The following MTHFS variants were observed in gnomAD, a reference collection of about 807,000 sequenced individuals.
MTHFS encodes methenyltetrahydrofolate synthetase, also known as 5-formyltetrahydrofolate cyclo-ligase.
A neutral mutation model predicts 12.7 loss-of-function variants in MTHFS; 7 were observed. The ratio of observed to expected loss-of-function variants is 0.55; its 90% confidence interval spans 0.31 to 1.03. The LOEUF is 1.03. Ranked by LOEUF, MTHFS falls within the 50% of genes least tolerant of loss-of-function variation. The pLI is 0.05. For missense variants in MTHFS, 252 were observed against 258.1 expected (o/e 0.98, Z 0.16); for synonymous variants, 100 against 97.1 (o/e 1.03, Z -0.18).
chr15:79,857,902 G>C (rs2033838964), intron 2 of MTHFS, among the ~76,000 whole-genome samples: 1 of 150,874 alleles, frequency 6.6e-6, no homozygotes, highest in Non-Finnish European at 1.5e-5. Context: ...TGTAATCCCA[G>C]TTACTCAAGA....
chr15:79,860,041 A>G (rs575275951), intron 2 of MTHFS, among the ~76,000 whole-genome samples: 1 of 152,304 alleles, frequency 6.6e-6, no homozygotes, highest in South Asian at 2.1e-4. Context: ...TAACATTTTA[A>G]AACATCTGTA....
chr15:79,845,101 G>A lies in MTHFS; in HGVS notation c.*109C>T. 1 of 1,379,694 alleles carries A rather than the reference G, an allele frequency of 7.2e-7. No homozygotes were observed. The highest frequency in any genetic ancestry group is 1.4e-5 in the South Asian group (1 of 71,582). 85.5% of individuals were successfully genotyped at this position (1,379,694 alleles called of 1,614,324 possible). A position where few individuals can be genotyped will look rare whatever the true frequency, so the allele number is the denominator to read the frequency against. On this transcript the variant is annotated 3_prime_UTR_variant, in exon 3 of 3. Coordinates refer to ENST00000258874, the MANE Select transcript of MTHFS (RefSeq NM_006441.4). ...TAATTACAATTTTAAAATGCAGTCTGTATTCACATTAATGAACAATTTCAA... is the reference window on the plus strand; with the variant it reads ...TAATTACAATTTTAAAATGCAGTCTATATTCACATTAATGAACAATTTCAA...
At chr15:79,861,317 C>G (rs1016586560) in intron 2 of MTHFS, among the ~76,000 whole-genome samples, 2 of 152,140 alleles carry the variant, frequency 1.3e-5, no homozygotes, top group African/African-American at 4.8e-5. Context: ...CTCCATACAC[C>G]TGTCTTCCCC....
intron 2 of MTHFS, among the ~76,000 whole-genome samples, chr15:79,878,681 T>C (rs1414591054): frequency 6.6e-6 from 1 of 151,448 alleles, no homozygotes; most frequent in Non-Finnish European, 1.5e-5. Flanking sequence ...ACTCATACTG[T>C]AAAACAAAGA....
In MTHFS at chr15:79,845,149, T is replaced by C. The variant is rs994954733; in HGVS notation, c.*61A>G. ...CAACTAATTTTTGACAAGGGAAAAATACACATACTTTGCTTTACTCTCATA... is the reference window on the plus strand; with the variant it reads ...CAACTAATTTTTGACAAGGGAAAAACACACATACTTTGCTTTACTCTCATA... On this transcript the variant is annotated 3_prime_UTR_variant, in exon 3 of 3. Coordinates refer to ENST00000258874, the MANE Select transcript of MTHFS (RefSeq NM_006441.4). 74 of 1,584,186 alleles carry C rather than the reference T, an allele frequency of 4.7e-5. No homozygotes were observed. The highest frequency in any genetic ancestry group is 4.3e-4 in the East Asian group (19 of 44,496).
chr15:79,861,279 TC>T (rs1364774270), intron 2 of MTHFS, among the ~76,000 whole-genome samples: 1 of 152,102 alleles, frequency 6.6e-6, no homozygotes, highest in Non-Finnish European at 1.5e-5. Flanking sequence ...AAAACCTTGA[TC>T]CTAACCACTC....
chr15:79,885,100 AC>A (rs541293133), intron 2 of MTHFS, among the ~76,000 whole-genome samples: 5 of 152,156 alleles, frequency 3.3e-5, no homozygotes, highest in Non-Finnish European at 7.4e-5. Flanking sequence ...ACGCCATGCA[AC>A]CCTAACAAAG....
chr15:79,890,599 T>G (rs1258478368), intron 1 of MTHFS, among the ~76,000 whole-genome samples: 1 of 152,224 alleles, frequency 6.6e-6, no homozygotes, highest in African/African-American at 2.4e-5. Flanking sequence ...AATACTTTTC[T>G]TATTCTTTAT....
At chr15:79,879,554 AT>A (rs2034261965) in intron 2 of MTHFS, among the ~76,000 whole-genome samples, 1 of 151,904 alleles carries the variant, frequency 6.6e-6, no homozygotes, top group Admixed American at 6.6e-5. Flanking sequence ...TTGTGATTGT[AT>A]TTGTTATAAA....
intron 2 of MTHFS, among the ~76,000 whole-genome samples, chr15:79,850,313 A>G (rs1464887500): frequency 2.0e-5 from 3 of 152,202 alleles, no homozygotes; most frequent in Non-Finnish European, 4.4e-5. Context: ...TTCTCTCAGC[A>G]AAGGGGTTCA....
chr15:79,874,694 C>G (rs1215612485), intron 2 of MTHFS, among the ~76,000 whole-genome samples: 1 of 152,102 alleles, frequency 6.6e-6, no homozygotes, highest in Admixed American at 6.6e-5. Flanking sequence ...AAGAAGATGT[C>G]CTGAGGAGCC....
intron 2 of MTHFS, among the ~76,000 whole-genome samples, chr15:79,856,998 T>C (rs888789997): frequency 2.9e-5 from 4 of 139,416 alleles, no homozygotes; most frequent in Non-Finnish European, 6.3e-5. Flanking sequence ...GCAAAGTCAC[T>C]TTTTTTTTTT....
chr15:79,897,097 G>C (rs1392720812), upstream of MTHFS: 1 of 1,130,916 alleles, frequency 8.8e-7, no homozygotes, highest in Non-Finnish European at 1.2e-6. Context: ...GGGCGGGTCG[G>C]GGCTCGGGGA....
At chr15:79,853,719 G>A (rs984739449) in intron 2 of MTHFS, among the ~76,000 whole-genome samples, 2 of 152,174 alleles carry the variant, frequency 1.3e-5, no homozygotes, top group Non-Finnish European at 2.9e-5. Flanking sequence ...CATGCAGAGC[G>A]GTCCGTAAGA....
chr15:79,866,046 G>GT (rs34470808), intron 2 of MTHFS, among the ~76,000 whole-genome samples: 7,687 of 146,232 alleles, frequency 0.053, 243 homozygotes, highest in Middle Eastern at 0.09. Context: ...AATTTTATAA[G>GT]TTTTTTTTTT....
intron 2 of MTHFS, among the ~76,000 whole-genome samples, chr15:79,851,624 A>T (rs2033718020): frequency 6.6e-6 from 1 of 152,160 alleles, no homozygotes; most frequent in Non-Finnish European, 1.5e-5. Flanking sequence ...ACATCTACCT[A>T]GGGAGGCAGG....
chr15:79,892,276 C>A (rs929807034), intron 1 of MTHFS, among the ~76,000 whole-genome samples: 1 of 152,098 alleles, frequency 6.6e-6, no homozygotes, highest in African/African-American at 2.4e-5. Context: ...AACCCCAGGG[C>A]AATGGCAGTG....
At position 79,845,446 on chromosome 15, in the gene MTHFS, C is replaced by A. The variant is rs375031666; in HGVS notation, c.380-4G>T. ...ATGAAGATGAGATCAAGTCCCCCTG[C>A]GGAAAAGAGGAACAAATTTAAGAGG... On this transcript the variant is annotated splice_polypyrimidine_tract_variant and splice_region_variant and intron_variant, in intron 2 of 2. Coordinates refer to ENST00000258874, the MANE Select transcript of MTHFS (RefSeq NM_006441.4). 3.1e-6 allele frequency: 5 copies of A among 1,609,696 alleles called. No individual in the cohort carries two copies. Among genetic ancestry groups the A allele is most frequent in the Non-Finnish European group, 4.2e-6 (5 of 1,176,962 alleles).
At chr15:79,890,077 G>A (rs1043418141) in intron 1 of MTHFS, among the ~76,000 whole-genome samples, 3 of 152,086 alleles carry the variant, frequency 2.0e-5, no homozygotes, top group African/African-American at 7.2e-5. Flanking sequence ...AGATCCTGGT[G>A]AAAGAAACCA....
Sources: allele counts gnomAD v4.1 joint callset (sites outside exome capture counted in the v4.1 genomes callset), GRCh38; gene constraint gnomAD v4.1.1; transcripts MANE v1.5; gene names NCBI Gene and HGNC (gene_info 2026-07-23, HGNC 2026-07-21).